The following SCN11A variants were observed in gnomAD, a reference collection of about 807,000 sequenced individuals.
SCN11A encodes sodium voltage-gated channel alpha subunit 11.
A neutral mutation model predicts 162.2 loss-of-function variants in SCN11A; 122 were observed. That is an observed-to-expected ratio of 0.75 (90% confidence interval 0.65 to 0.87). The LOEUF is 0.87. Ranked by LOEUF, SCN11A falls within the 40% of genes least tolerant of loss-of-function variation. SCN11A has a pLI of 0.00. For synonymous variants in SCN11A, 758 were observed against 751.5 expected, an observed-to-expected ratio of 1.01 and a Z score of -0.14; for missense variants, 2,015 against 2,181.6, an observed-to-expected ratio of 0.92 and a Z score of 1.52.
chr3:39,044,420 C>A (rs1314445110), intron 1 of SCN11A, among the ~76,000 whole-genome samples: 1 of 152,118 alleles, frequency 6.6e-6, no homozygotes, highest in African/African-American at 2.4e-5. Flanking sequence ...CATATGTTAG[C>A]CCTCAAAACA....
At position 39,002,302 on chromosome 3, in the gene SCN11A, T is replaced by A. The variant is rs750751251; in HGVS notation, c.-280+30078A>T. Among the ~76,000 whole-genome samples, 123 of 152,354 alleles carry A rather than the reference T, an allele frequency of 8.1e-4. 1 individual carries two copies. The highest frequency in any genetic ancestry group is 1.2e-3 in the Non-Finnish European group (84 of 68,034). Reference sequence around the variant, plus strand: ...CAAATATTGTGATTTATTTTGTCTATAATATGACCCACAACCAGTGCTTTA... The same window carrying A: ...CAAATATTGTGATTTATTTTGTCTAAAATATGACCCACAACCAGTGCTTTA... On this transcript the variant is annotated intron_variant, in intron 2 of 29. Coordinates refer to ENST00000302328, the MANE Select transcript of SCN11A (RefSeq NM_001349253.2).
chr3:38,942,632 T>C (rs988677430), intron 7 of SCN11A, among the ~76,000 whole-genome samples: 7 of 152,086 alleles, frequency 4.6e-5, no homozygotes, highest in African/African-American at 9.7e-5. Flanking sequence ...TGAGAAAATG[T>C]AGGGAATATT....
intron 7 of SCN11A, among the ~76,000 whole-genome samples, chr3:38,938,106 T>C (rs1298678663): frequency 6.6e-6 from 1 of 151,990 alleles, no homozygotes; most frequent in East Asian, 1.9e-4. Context: ...TGGAAATCAT[T>C]ATTTTCAGTA....
chr3:38,951,982 G>A (rs1370538202), intron 4 of SCN11A, among the ~76,000 whole-genome samples: 1 of 152,066 alleles, frequency 6.6e-6, no homozygotes, highest in Non-Finnish European at 1.5e-5. Flanking sequence ...TGGAAGCTTT[G>A]TTCTTTTGCT....
rs374311646 is a variant in SCN11A at position 38,847,592 on chromosome 3, G to A, written c.4478C>T (p.Ser1493Leu). The A allele has an allele frequency of 5.3e-5, 85 of 1,613,994 alleles. 1 individual carries two copies. The highest frequency in any genetic ancestry group is 7.7e-5 in the South Asian group (7 of 91,072). ...IRTLLFALMM[S>L]LPSLFNIGLL... is the part of the protein sequence containing the mutation. Reference sequence around the variant, plus strand: ...ACCAATGTTGAACAGAGAAGGAAGCGACATCATCAGAGCAAAGAGGAGAGT... The same window carrying A: ...ACCAATGTTGAACAGAGAAGGAAGCAACATCATCAGAGCAAAGAGGAGAGT... The change falls in exon 30 of 30, where the codon TCG (serine) becomes TTG (leucine). Residue 1493 changes from serine to leucine, a missense_variant. By Grantham distance (145) the Ser-to-Leu change is moderately radical (BLOSUM62 -2). Transcript: ENST00000302328.
At position 38,896,918 on chromosome 3, in the gene SCN11A, A is replaced by C. The variant is rs4302324; in HGVS notation, c.2330T>G (p.Met777Arg). ...TGATGATGATGCATTCGCTTCTTGCATACATTCCCACATATTTTCGATCCA... is the reference window on the plus strand; with the variant it reads ...TGATGATGATGCATTCGCTTCTTGCCTACATTCCCACATATTTTCGATCCA... Reference protein sequence around the residue: ...GEWIENMWECMQEANASSSLC... With the variant: ...GEWIENMWECRQEANASSSLC... Residue 777 changes from methionine (M) to arginine (R), a missense_variant, in exon 18 of 30, where the codon ATG (methionine) becomes AGG (arginine). Physicochemically the swap from Met to Arg is moderately conservative, Grantham distance 91 (BLOSUM62 -1). Transcript: ENST00000302328. 1.9e-6 allele frequency: 3 copies of C among 1,613,658 alleles called. No homozygotes were observed. The highest frequency in any genetic ancestry group is 1.1e-5 in the South Asian group (1 of 91,056).
intron 2 of SCN11A, among the ~76,000 whole-genome samples, chr3:39,001,342 T>C (rs1252848378): frequency 1.3e-5 from 2 of 152,248 alleles, no homozygotes; most frequent in Non-Finnish European, 2.9e-5. Context: ...TCTATGAATC[T>C]GCCTACTCTG....
intron 2 of SCN11A, among the ~76,000 whole-genome samples, chr3:38,965,296 A>G (rs898806737): frequency 2.0e-5 from 3 of 152,192 alleles, no homozygotes; most frequent in Admixed American, 2.0e-4. Context: ...TAACCTCCTC[A>G]TAGTCCTTTC....
At chr3:38,926,326 G>T (rs2066139786) in intron 8 of SCN11A, among the ~76,000 whole-genome samples, 1 of 152,084 alleles carries the variant, frequency 6.6e-6, no homozygotes, top group Non-Finnish European at 1.5e-5. Context: ...TAACCTTGTA[G>T]CAGCCAAAGA....
chr3:38,987,930 T>C (rs1213495017), intron 2 of SCN11A, among the ~76,000 whole-genome samples: 1 of 152,180 alleles, frequency 6.6e-6, no homozygotes, highest in Admixed American at 6.5e-5. Flanking sequence ...TTTGCCATCC[T>C]GGGAAGGATT....
At chr3:38,983,682 C>T (rs2030137233) in intron 2 of SCN11A, among the ~76,000 whole-genome samples, 1 of 152,214 alleles carries the variant, frequency 6.6e-6, no homozygotes, top group African/African-American at 2.4e-5. Flanking sequence ...AAGAAAGAAT[C>T]TCTTTGAGTT....
intron 10 of SCN11A, among the ~76,000 whole-genome samples, chr3:38,920,481 A>G (rs898760539): frequency 1.6e-4 from 25 of 152,168 alleles, no homozygotes. Flanking sequence ...TCACGAGGTC[A>G]GGAGATGGAG....
At chr3:38,865,117 A>G (rs1293012417) in intron 27 of SCN11A, among the ~76,000 whole-genome samples, 1 of 152,172 alleles carries the variant, frequency 6.6e-6, no homozygotes, top group East Asian at 1.9e-4. Context: ...AGAGTTGAGT[A>G]AGGGCGTATA....
chr3:38,858,978 T>C (rs1025887583), intron 28 of SCN11A, among the ~76,000 whole-genome samples: 24 of 152,000 alleles, frequency 1.6e-4, no homozygotes, highest in African/African-American at 5.1e-4. Context: ...AACTGAATGA[T>C]AACAGTGACA....
intron 2 of SCN11A, among the ~76,000 whole-genome samples, chr3:39,018,504 G>C (rs781296224): frequency 1.2e-4 from 19 of 152,110 alleles, no homozygotes; most frequent in Non-Finnish European, 2.8e-4. Flanking sequence ...TTTGTTGTTT[G>C]ATGTTGAGTG....
intron 1 of SCN11A, among the ~76,000 whole-genome samples, chr3:39,047,657 TA>T (rs1025847530): frequency 3.3e-5 from 5 of 151,670 alleles, no homozygotes; most frequent in African/African-American, 1.2e-4. Flanking sequence ...CCAGGAAGTA[TA>T]AAAAACTCAA....
At chr3:38,898,083 C>T (rs2065636224) in intron 17 of SCN11A, among the ~76,000 whole-genome samples, 1 of 151,506 alleles carries the variant, frequency 6.6e-6, no homozygotes, top group Non-Finnish European at 1.5e-5. Context: ...ACAAAAAATA[C>T]AAAAATTAGC....
intron 14 of SCN11A, among the ~76,000 whole-genome samples, chr3:38,905,560 C>G (rs992108644): frequency 3.9e-5 from 6 of 152,164 alleles, no homozygotes; most frequent in Admixed American, 3.3e-4. Flanking sequence ...AGAGTCCTAC[C>G]TACAGACATT....
chr3:39,031,534 C>CAAAAAAAAAA (rs71622553), intron 2 of SCN11A, among the ~76,000 whole-genome samples: 1 of 121,938 alleles, frequency 8.2e-6, no homozygotes, highest in Non-Finnish European at 1.7e-5. Context: ...AAACAAAAAA[C>CAAAAAAAAAA]AAACAAACAA....
Sources: gnomAD v4.1 joint callset for allele counts (sites outside exome capture counted in the v4.1 genomes callset) on GRCh38, gnomAD v4.1.1 for gene constraint, MANE v1.5 for transcripts, NCBI Gene and HGNC (gene_info 2026-07-23, HGNC 2026-07-21) for gene names.